The following FOXP1 variants were observed in gnomAD, a reference collection of about 807,000 sequenced individuals.
The protein encoded by FOXP1 is forkhead box protein P1.
Under a neutral mutation model 98.2 loss-of-function variants are expected in FOXP1, and 15 were observed. The ratio of observed to expected loss-of-function variants is 0.15; its 90% confidence interval spans 0.10 to 0.24. The LOEUF is 0.24. Ranked by LOEUF, FOXP1 falls within the 10% of genes least tolerant of loss-of-function variation. FOXP1 has a pLI of 1.00. For synonymous variants in FOXP1, 371 were observed against 314.5 expected (o/e 1.18, Z -1.90); for missense variants, 633 against 848.5 (o/e 0.75, Z 3.15).
At chr3:71,137,492 G>A (rs1269058270) in intron 6 of FOXP1, among the ~76,000 whole-genome samples, 3 of 152,138 alleles carry the variant, frequency 2.0e-5, no homozygotes, top group Non-Finnish European at 4.4e-5. Flanking sequence ...GGGAACATTA[G>A]ATGCATGAGG....
At chr3:71,308,512 G>A (rs1408828675) in intron 4 of FOXP1, among the ~76,000 whole-genome samples, 2 of 152,128 alleles carry the variant, frequency 1.3e-5, no homozygotes, top group East Asian at 1.9e-4. Flanking sequence ...GGAAGGAGTC[G>A]CCTCAGACTT....
intron 2 of FOXP1, among the ~76,000 whole-genome samples, chr3:71,530,051 C>T (rs1245835025): frequency 6.6e-6 from 1 of 152,180 alleles, no homozygotes; most frequent in East Asian, 1.9e-4. Flanking sequence ...CTGATGCCAT[C>T]TCCAGGTAGA....
Position 71,318,650 on chromosome 3 carries a change from G to GCT in FOXP1, c.-72-18771_-72-18770insAG, listed in dbSNP as rs774198114. Among the ~76,000 whole-genome samples the GCT allele has an allele frequency of 5.4e-3, 820 of 152,246 alleles. 11 individuals carry two copies. The highest frequency in any genetic ancestry group is 0.03 in the East Asian group (157 of 5,176). ...TAAACTTTTTCACTATTTAGACGTG[G>GCT]GCTGCTGTTGAATGTCAGGAGAAGC... On this transcript the variant is annotated intron_variant, in intron 4 of 20. Coordinates refer to ENST00000649528, the MANE Select transcript of FOXP1 (RefSeq NM_001349338.3).
intron 3 of FOXP1, among the ~76,000 whole-genome samples, chr3:71,431,304 G>A (rs2084694941): frequency 6.6e-6 from 1 of 152,182 alleles, no homozygotes; most frequent in Non-Finnish European, 1.5e-5. Context: ...CATAGACAGA[G>A]TGCGAGAATA....
chr3:71,199,971 G>A (rs2063559541), intron 5 of FOXP1, among the ~76,000 whole-genome samples: 2 of 150,382 alleles, frequency 1.3e-5, no homozygotes, highest in Admixed American at 1.3e-4. Flanking sequence ...AGCTACTCAG[G>A]AGGCTAAGGC....
At chr3:71,472,470 T>A (rs2106707733) in intron 3 of FOXP1, among the ~76,000 whole-genome samples, 1 of 152,160 alleles carries the variant, frequency 6.6e-6, no homozygotes, top group Admixed American at 6.5e-5. Context: ...ACATTTTAAA[T>A]TACATTCTTC....
intron 4 of FOXP1, among the ~76,000 whole-genome samples, chr3:71,329,249 T>C (rs1425923188): frequency 4.0e-5 from 6 of 150,338 alleles, no homozygotes; most frequent in African/African-American, 1.2e-4. Context: ...TGAGAGGGAG[T>C]CTCCCTCTGT....
chr3:71,446,742 TG>T (rs1224774820), intron 3 of FOXP1, among the ~76,000 whole-genome samples: 1 of 152,262 alleles, frequency 6.6e-6, no homozygotes, highest in Non-Finnish European at 1.5e-5. Flanking sequence ...TTAGATGGGA[TG>T]CACAGCTTCC....
At chr3:71,166,861 T>C (rs190231574) in intron 6 of FOXP1, among the ~76,000 whole-genome samples, 1 of 148,722 alleles carries the variant, frequency 6.7e-6, no homozygotes. Flanking sequence ...ATATATGTTC[T>C]TGACGATCCT....
rs202139943 is a variant in FOXP1 at position 71,346,664 on chromosome 3, G to T, written c.-73+12486C>A. On this transcript the variant is annotated intron_variant, in intron 4 of 20. Transcript: ENST00000649528. ...GTAAGACTTTTCCATCTCAAGGGAT[G>T]CTTGAAAACCCAAGCAGACTTCAGT... 3.3e-5 allele frequency among the ~76,000 whole-genome samples: 5 copies of T among 152,108 alleles called. No individual in the cohort carries two copies. In the East Asian group the frequency reaches 9.6e-4, roughly 29 times the overall value.
intron 4 of FOXP1, among the ~76,000 whole-genome samples, chr3:71,355,594 T>C (rs1488870682): frequency 1.3e-5 from 2 of 152,078 alleles, no homozygotes; most frequent in Non-Finnish European, 2.9e-5. Flanking sequence ...AATAAAATAT[T>C]GGAAACCACG....
At chr3:71,513,812 G>A (rs888978508) in intron 2 of FOXP1, among the ~76,000 whole-genome samples, 1 of 152,146 alleles carries the variant, frequency 6.6e-6, no homozygotes, top group African/African-American at 2.4e-5. Context: ...GCAACCATAA[G>A]ACCGGGTTTA....
chr3:71,260,962 C>G (rs374635169), intron 5 of FOXP1, among the ~76,000 whole-genome samples: 5 of 152,110 alleles, frequency 3.3e-5, no homozygotes, highest in Admixed American at 3.3e-4. Flanking sequence ...CACCATCTGC[C>G]CTTCTCCTAA....
rs2040036609 is a variant in FOXP1, at chr3:70,988,039, G to T, written c.1101C>A (p.Thr367=). 2.5e-6 allele frequency: 4 copies of T among 1,614,108 alleles called. No individual in the cohort carries two copies. The highest frequency in any genetic ancestry group is 2.5e-6 in the Non-Finnish European group (3 of 1,179,992). Residue 367 remains threonine, a synonymous_variant, in exon 14 of 21, where the codon ACC becomes ACA. Transcript: ENST00000649528. ...GTTCTGTAGACTTCACATGCAGGTG[G>T]GTCATCATGGCTTGCAGGCGTTCTT... ...KDKERLQAMM[T]HLHVKSTEPK...
chr3:70,982,021 T>A (rs2038955651), intron 14 of FOXP1, among the ~76,000 whole-genome samples: 1 of 152,174 alleles, frequency 6.6e-6, no homozygotes, highest in Admixed American at 6.5e-5. Flanking sequence ...AAACTTCTGT[T>A]TGATGATCAC....
At chr3:71,212,097 G>A (rs1329056049) in intron 5 of FOXP1, among the ~76,000 whole-genome samples, 1 of 152,160 alleles carries the variant, frequency 6.6e-6, no homozygotes, top group Non-Finnish European at 1.5e-5. Context: ...ACAACTGGGA[G>A]AGACAGATTA....
At chr3:71,440,054 C>T (rs1336794199) in intron 3 of FOXP1, among the ~76,000 whole-genome samples, 6 of 151,616 alleles carry the variant, frequency 4.0e-5, no homozygotes, top group Non-Finnish European at 8.8e-5. Flanking sequence ...AAGACAAATA[C>T]TATATGATTC....
intron 4 of FOXP1, among the ~76,000 whole-genome samples, chr3:71,325,955 T>C (rs1220972115): frequency 6.6e-6 from 1 of 152,252 alleles, no homozygotes; most frequent in East Asian, 1.9e-4. Flanking sequence ...TAACACTTAG[T>C]GATAAAAATG....
At chr3:70,968,308 A>G (rs2035403544) in intron 19 of FOXP1, 1 of 151,862 alleles carries the variant, frequency 6.6e-6, no homozygotes, top group Admixed American at 6.6e-5. Context: ...AAGTGATCAG[A>G]GCAACCCACC....
Sources: gnomAD v4.1 joint callset for allele counts (sites outside exome capture counted in the v4.1 genomes callset) on GRCh38, gnomAD v4.1.1 for gene constraint, MANE v1.5 for transcripts, NCBI Gene and HGNC (gene_info 2026-07-23, HGNC 2026-07-21) for gene names.